ANO10: variants seen among roughly 807,000 people sequenced by gnomAD.
The protein encoded by ANO10 is anoctamin 10.
Under a neutral mutation model 74.7 loss-of-function variants are expected in ANO10, and 77 were observed. That is an observed-to-expected ratio of 1.03 (90% CI 0.86 to 1.25). The LOEUF (loss-of-function observed/expected upper bound fraction) is 1.25, where lower values mean the gene tolerates loss of function less well. Ranked by LOEUF, ANO10 falls within the 50% of genes most tolerant of loss-of-function variation. The pLI is 0.00. For synonymous variants in ANO10, 279 were observed against 284.9 expected (o/e 0.98, Z 0.21); for missense variants, 721 against 778.1 (o/e 0.93, Z 0.87).
Position 43,605,821 on chromosome 3 carries a change from GA to G in ANO10, c.31del (p.Ser11LeufsTer11). 1.9e-6 allele frequency: 3 copies of G among 1,613,732 alleles called. No homozygotes were observed. The highest frequency in any genetic ancestry group is 2.5e-6 in the Non-Finnish European group (3 of 1,179,776). MKVTLSALDT[S>X]ESSFTPLVVI... ...CACCAAAGGTGTGAAAGAACTCTCA[GA>G]AGTATCCAAAGCTGATAAGGTCACT... On this transcript the variant is annotated frameshift_variant, in exon 2 of 13. Coordinates refer to ENST00000292246, the MANE Select transcript of ANO10 (RefSeq NM_018075.5). LOFTEE classifies it high-confidence loss of function.
chr3:43,638,745 G>A (rs905593854), intron 1 of ANO10: 5 of 152,200 alleles, frequency 3.3e-5, no homozygotes, highest in Admixed American at 2.6e-4. Context: ...AAGTGAAGGG[G>A]TGAGAAAGGT....
chr3:43,620,712 C>G (rs2083349427), intron 1 of ANO10, among the ~76,000 whole-genome samples: 1 of 152,184 alleles, frequency 6.6e-6, no homozygotes, highest in Admixed American at 6.5e-5. Context: ...TTGCAGTGAG[C>G]AGACATTGTG....
intron 1 of ANO10, chr3:43,691,351 C>G (rs1166992320): frequency 8.8e-6 from 2 of 228,506 alleles, no homozygotes; most frequent in East Asian, 8.9e-5. Flanking sequence ...GGGCCGGCGA[C>G]GGAGCTGGCC....
chr3:43,577,309 T>TATGTCTC, intron 5 of ANO10, 48 bp from the exon 6 acceptor site: 1 of 1,555,406 alleles, frequency 6.4e-7, no homozygotes. Flanking sequence ...ACCAAACACT[T>TATGTCTC]TAAAAAATCA....
intron 11 of ANO10, among the ~76,000 whole-genome samples, chr3:43,518,806 C>A (rs1374548087): frequency 6.6e-6 from 1 of 152,156 alleles, no homozygotes; most frequent in Admixed American, 6.6e-5. Context: ...TGCTCTCAAA[C>A]CCTGTCTCCT....
At chr3:43,668,178 T>C (rs1398793352) in intron 1 of ANO10, among the ~76,000 whole-genome samples, 2 of 152,200 alleles carry the variant, frequency 1.3e-5, no homozygotes, top group Non-Finnish European at 2.9e-5. Context: ...ATTTCCCTGA[T>C]GATGAGTGAT....
intron 1 of ANO10, among the ~76,000 whole-genome samples, chr3:43,615,797 G>C (rs10440111): frequency 0.64 from 96,488 of 151,552 alleles, 31,502 homozygotes; most frequent in East Asian, 0.89. Context: ...GGGACTACAG[G>C]GGCATGCCAC....
rs189115593 is a variant in ANO10, at chr3:43,633,581, C to G, written c.-11-27718G>C. On this transcript the variant is annotated intron_variant, in intron 1 of 3. Transcript: ENST00000413397. Reference sequence around the variant, plus strand: ...AATTACTCACCTGAGGAGAACTGTTCATTCTAAATTTAGATTTTGATGAAT... The same window carrying G: ...AATTACTCACCTGAGGAGAACTGTTGATTCTAAATTTAGATTTTGATGAAT... Among the ~76,000 whole-genome samples, 6 of 152,244 alleles carry G rather than the reference C, an allele frequency of 3.9e-5. No individual in the cohort carries two copies. In the East Asian group the frequency reaches 1.2e-3, roughly 29 times the overall value.
intron 4 of ANO10, among the ~76,000 whole-genome samples, chr3:43,595,519 T>C (rs1031497917): frequency 1.3e-5 from 2 of 152,164 alleles, no homozygotes; most frequent in Non-Finnish European, 2.9e-5. Context: ...ACCACATGAT[T>C]ATCTCAGTAG....
At chr3:43,404,153 A>G (rs1260544540) in intron 12 of ANO10, among the ~76,000 whole-genome samples, 1 of 152,224 alleles carries the variant, frequency 6.6e-6, no homozygotes, top group Non-Finnish European at 1.5e-5. Context: ...GCCATTTAAA[A>G]GAGGGCCTCA....
At chr3:43,505,244 T>C (rs1469887252) in intron 11 of ANO10, among the ~76,000 whole-genome samples, 1 of 152,234 alleles carries the variant, frequency 6.6e-6, no homozygotes, top group Non-Finnish European at 1.5e-5. Context: ...ACAATGTTTA[T>C]GGTAATTTCT....
intron 1 of ANO10, among the ~76,000 whole-genome samples, chr3:43,643,930 C>T (rs1435546240): frequency 3.3e-5 from 5 of 152,040 alleles, no homozygotes; most frequent in South Asian, 4.1e-4. Context: ...ATGATCCGCC[C>T]GCCTTGATCT....
At chr3:43,380,579 T>G (rs2091932403) in intron 12 of ANO10, among the ~76,000 whole-genome samples, 1 of 152,210 alleles carries the variant, frequency 6.6e-6, no homozygotes. Flanking sequence ...GAATTTTGTG[T>G]CTACCGAAAC....
intron 1 of ANO10, among the ~76,000 whole-genome samples, chr3:43,619,121 T>C (rs2083265078): frequency 6.6e-6 from 1 of 152,232 alleles, no homozygotes; most frequent in Non-Finnish European, 1.5e-5. Context: ...TACATCTTAA[T>C]CAAACAGTAG....
chr3:43,633,369 A>C (rs987351099), intron 1 of ANO10, among the ~76,000 whole-genome samples: 1 of 152,200 alleles, frequency 6.6e-6, no homozygotes, highest in African/African-American at 2.4e-5. Flanking sequence ...TTTTACTGGA[A>C]ACCTACAACA....
At chr3:43,421,547 G>A (rs2092820196) in intron 12 of ANO10, among the ~76,000 whole-genome samples, 1 of 151,478 alleles carries the variant, frequency 6.6e-6, no homozygotes, top group Non-Finnish European at 1.5e-5. Flanking sequence ...GAAAAGAACT[G>A]GGCATGGTGG....
intron 6 of ANO10, among the ~76,000 whole-genome samples, chr3:43,575,538 G>C (rs1463393966): frequency 6.6e-6 from 1 of 152,112 alleles, no homozygotes; most frequent in Non-Finnish European, 1.5e-5. Context: ...TCACTCTCAG[G>C]ATCAGAAATA....
At chr3:43,625,791 C>T (rs866228871), upstream of ANO10, among the ~76,000 whole-genome samples, 1 of 152,104 alleles carries the variant, frequency 6.6e-6, no homozygotes, top group Admixed American at 6.6e-5. Flanking sequence ...TTTGATTTAT[C>T]TTATGCTACT....
chr3:43,402,317 C>T lies in ANO10; in HGVS notation c.1914+30294G>A, dbSNP rs184816021. Among the ~76,000 whole-genome samples, 281 of 152,320 alleles carry T rather than the reference C, an allele frequency of 1.8e-3. 1 individual carries two copies. Among genetic ancestry groups the T allele is most frequent in the African/African-American group, 4.9e-3 (203 of 41,564 alleles). On this transcript the variant is annotated intron_variant, in intron 12 of 12. Transcript: ENST00000292246. Reference sequence around the variant, plus strand: ...CAGAGCTCGCTCCACATCACAGCCCCTCTGGGTCTCATCTTCTGCCCTCAC... The same window carrying T: ...CAGAGCTCGCTCCACATCACAGCCCTTCTGGGTCTCATCTTCTGCCCTCAC...
Sources: allele counts gnomAD v4.1 joint callset (sites outside exome capture counted in the v4.1 genomes callset), GRCh38; gene constraint gnomAD v4.1.1; transcripts MANE v1.5; gene names NCBI Gene and HGNC (gene_info 2026-07-23, HGNC 2026-07-21).